RNGTT: variants seen among roughly 807,000 people sequenced by gnomAD.
RNGTT encodes the protein RNA guanylyltransferase and 5'-phosphatase.
RNGTT carries 33 observed loss-of-function variants against 79.3 expected under a neutral mutation model. That is an observed-to-expected ratio of 0.42 (90% CI 0.32 to 0.56). The LOEUF is 0.56. Ranked by LOEUF, RNGTT falls within the 20% of genes least tolerant of loss-of-function variation. The pLI is 0.17. For missense variants in RNGTT, 497 were observed against 739.1 expected (o/e 0.67, Z 3.80); for synonymous variants, 222 against 235.9 (o/e 0.94, Z 0.54).
At chr6:88,698,433 A>T (rs931824874) in intron 13 of RNGTT, among the ~76,000 whole-genome samples, 1 of 150,546 alleles carries the variant, frequency 6.6e-6, no homozygotes, top group East Asian at 1.9e-4. Context: ...ATAAATATGA[A>T]TCAGCCTACT....
chr6:88,627,563 G>A (rs1013245706), intron 14 of RNGTT, among the ~76,000 whole-genome samples: 3 of 152,122 alleles, frequency 2.0e-5, no homozygotes, highest in African/African-American at 7.2e-5. Flanking sequence ...TAGATCTAAT[G>A]TGGTTATGTG....
At chr6:88,819,391 C>A (rs1377855567) in intron 11 of RNGTT, among the ~76,000 whole-genome samples, 1 of 152,038 alleles carries the variant, frequency 6.6e-6, no homozygotes, top group Non-Finnish European at 1.5e-5. Flanking sequence ...TGAAAAAGGG[C>A]AAATTCTGAA....
At chr6:88,858,968 G>C (rs184950444) in intron 8 of RNGTT, among the ~76,000 whole-genome samples, 1 of 152,082 alleles carries the variant, frequency 6.6e-6, no homozygotes, top group Non-Finnish European at 1.5e-5. Flanking sequence ...GACTAAAGAA[G>C]TAACAGACAA....
rs1179938928 is a variant in RNGTT at position 88,887,979 on chromosome 6, T to C, written c.896+2516A>G. Among the ~76,000 whole-genome samples, 12 of 152,018 alleles carry C rather than the reference T, an allele frequency of 7.9e-5. No homozygotes were observed. The South Asian group carries it at 2.1e-3, about 26-fold the overall frequency. On this transcript the variant is annotated intron_variant, in intron 8 of 15. Coordinates refer to ENST00000369485, the MANE Select transcript of RNGTT (RefSeq NM_003800.5). ...GAAAATTTTAAAAATTAGCTGGCCA[T>C]AGTGGTGCATGTCTGTAATCCCAGC...
chr6:88,703,007 T>C (rs1462348508), intron 13 of RNGTT, among the ~76,000 whole-genome samples: 2 of 151,936 alleles, frequency 1.3e-5, no homozygotes, highest in African/African-American at 2.4e-5. Context: ...TGAAATACCA[T>C]CTCACACCAG....
At chr6:88,871,109 A>C (rs1782339803) in intron 8 of RNGTT, among the ~76,000 whole-genome samples, 1 of 152,166 alleles carries the variant, frequency 6.6e-6, no homozygotes, top group Non-Finnish European at 1.5e-5. Flanking sequence ...TATTTCCATA[A>C]ATGTATTCTA....
At chr6:88,807,422 G>A (rs1399129469) in intron 11 of RNGTT, among the ~76,000 whole-genome samples, 7 of 151,972 alleles carry the variant, frequency 4.6e-5, no homozygotes, top group African/African-American at 1.5e-4. Context: ...TTAATCAGTG[G>A]GAATGATAAT....
chr6:88,614,746 T>G (rs1203928947), intron 14 of RNGTT, among the ~76,000 whole-genome samples: 2 of 152,230 alleles, frequency 1.3e-5, no homozygotes, highest in Non-Finnish European at 2.9e-5. Flanking sequence ...AAATTGAGTA[T>G]ACTGCCTAGG....
At chr6:88,957,913 A>G (rs1785487749) in intron 1 of RNGTT, among the ~76,000 whole-genome samples, 1 of 152,210 alleles carries the variant, frequency 6.6e-6, no homozygotes, top group Non-Finnish European at 1.5e-5. Flanking sequence ...AAGAGCCCAA[A>G]TAGCCAAGGT....
intron 13 of RNGTT, among the ~76,000 whole-genome samples, chr6:88,715,619 A>T (rs951551335): frequency 1.1e-4 from 17 of 152,110 alleles, no homozygotes; most frequent in Non-Finnish European, 2.5e-4. Context: ...AAAACAGAGA[A>T]ATAGACCAAT....
Position 88,877,810 on chromosome 6 carries a change from C to T in RNGTT, c.896+12685G>A, listed in dbSNP as rs1490993286. Among the ~76,000 whole-genome samples the T allele has an allele frequency of 3.9e-5, 6 of 152,032 alleles. No homozygotes were observed. The South Asian group carries it at 6.2e-4, about 16-fold the overall frequency. On this transcript the variant is annotated intron_variant, in intron 8 of 15. Transcript: ENST00000369485. Reference sequence around the variant, plus strand: ...ATATTCTCTGGTAGTCTCACTTCCCCGTGATAAAAAAGAAACACAGGAGCT... The same window carrying T: ...ATATTCTCTGGTAGTCTCACTTCCCTGTGATAAAAAAGAAACACAGGAGCT...
At chr6:88,903,116 G>A (rs1012512187) in intron 6 of RNGTT, among the ~76,000 whole-genome samples, 1 of 151,980 alleles carries the variant, frequency 6.6e-6, no homozygotes, top group African/African-American at 2.4e-5. Context: ...TACCACTAGT[G>A]GCACAAAAAA....
At chr6:88,659,777 C>A (rs914029993) in intron 14 of RNGTT, among the ~76,000 whole-genome samples, 5 of 152,182 alleles carry the variant, frequency 3.3e-5, no homozygotes, top group African/African-American at 1.2e-4. Context: ...GAGATCTAGA[C>A]ATCCAAATAC....
intron 14 of RNGTT, among the ~76,000 whole-genome samples, chr6:88,647,197 A>G (rs1773598771): frequency 6.6e-6 from 1 of 152,294 alleles, no homozygotes; most frequent in South Asian, 2.1e-4. Context: ...ATGGAGACAC[A>G]CTGAAAGAAG....
At chr6:88,781,697 T>C (rs1779069540) in intron 12 of RNGTT, among the ~76,000 whole-genome samples, 1 of 152,152 alleles carries the variant, frequency 6.6e-6, no homozygotes, top group South Asian at 2.1e-4. Flanking sequence ...GCTTATTCAT[T>C]AGTACCCTAA....
intron 6 of RNGTT, among the ~76,000 whole-genome samples, chr6:88,892,892 T>C (rs1369560608): frequency 6.6e-6 from 1 of 152,066 alleles, no homozygotes; most frequent in African/African-American, 2.4e-5. Flanking sequence ...TCTGGAAGAA[T>C]CCTGAGTCCT....
chr6:88,640,195 A>T (rs2127772746), intron 14 of RNGTT, among the ~76,000 whole-genome samples: 1 of 152,254 alleles, frequency 6.6e-6, no homozygotes, highest in South Asian at 2.1e-4. Flanking sequence ...ATGCTTAATG[A>T]ATGTCAGTTT....
intron 13 of RNGTT, among the ~76,000 whole-genome samples, chr6:88,751,508 T>C (rs964649162): frequency 6.6e-6 from 1 of 152,146 alleles, no homozygotes; most frequent in African/African-American, 2.4e-5. Flanking sequence ...TACAGTGTAC[T>C]GTTCAAAAGG....
intron 13 of RNGTT, among the ~76,000 whole-genome samples, chr6:88,749,390 G>A (rs1777769272): frequency 6.6e-6 from 1 of 151,984 alleles, no homozygotes. Flanking sequence ...GATTTAAAGA[G>A]TTAGATGTGC....
Sources: gnomAD v4.1 joint callset for allele counts (sites outside exome capture counted in the v4.1 genomes callset) on GRCh38, gnomAD v4.1.1 for gene constraint, MANE v1.5 for transcripts, NCBI Gene and HGNC (gene_info 2026-07-23, HGNC 2026-07-21) for gene names.